PAICS: variants seen among roughly 807,000 people sequenced by gnomAD.
PAICS encodes bifunctional phosphoribosylaminoimidazole carboxylase/phosphoribosylaminoimidazole succinocarboxamide synthetase.
A neutral mutation model predicts 53.7 loss-of-function variants in PAICS; 33 were observed. The ratio of observed to expected loss-of-function variants is 0.61; its 90% CI spans 0.47 to 0.82. The LOEUF (loss-of-function observed/expected upper bound fraction) is 0.82, where lower values mean the gene tolerates loss of function less well. Among genes scored for constraint, PAICS ranks in the 40% least tolerant of loss-of-function variants. PAICS has a pLI of 0.00. For missense variants in PAICS, 394 were observed against 494.1 expected, an observed-to-expected ratio of 0.80 and a Z score of 1.92; for synonymous variants, 141 against 167.2, an observed-to-expected ratio of 0.84 and a Z score of 1.21.
the PAICS span, among the ~76,000 whole-genome samples, chr4:56,418,216 T>C: frequency 6.6e-6 from 1 of 152,158 alleles, no homozygotes; most frequent in African/African-American, 2.4e-5. Context: ...CTCTGGAGGT[T>C]CACTTGAACC....
intron 7 of PAICS, among the ~76,000 whole-genome samples, chr4:56,453,095 G>T (rs1718996084): frequency 6.6e-6 from 1 of 152,178 alleles, no homozygotes; most frequent in Non-Finnish European, 1.5e-5. Flanking sequence ...TTGCTTAAGA[G>T]ATTATGTTAA....
chr4:56,454,528 C>G (rs1303281875), intron 8 of PAICS, among the ~76,000 whole-genome samples: 2 of 152,120 alleles, frequency 1.3e-5, no homozygotes, highest in East Asian at 3.9e-4. Context: ...TCCAAGTTTT[C>G]TAATTGTCTC....
At position 56,460,962 on chromosome 4, in the gene PAICS, C is replaced by T. The variant is rs1216731539; in HGVS notation, c.*1424C>T. 6.6e-6 allele frequency: 1 copy of T among 151,198 alleles called. No homozygotes were observed. The highest frequency in any genetic ancestry group is 2.5e-5 in the African/African-American group (1 of 40,490). The allele number at this position is 151,198 out of a possible 1,614,324, so 9.4% of individuals were successfully genotyped here. ...CTCCAACCTGGGCAGCAGAGCAAGACTCTGTCTCAAAAGGGGAAAAAAAAA... is the reference window on the plus strand; with the variant it reads ...CTCCAACCTGGGCAGCAGAGCAAGATTCTGTCTCAAAAGGGGAAAAAAAAA... On this transcript the variant is annotated 3_prime_UTR_variant, in exon 9 of 9. Coordinates refer to ENST00000512576, the MANE Select transcript of PAICS (RefSeq NM_001079524.2).
chr4:56,441,827 A>C lies in PAICS; in HGVS notation c.181A>C (p.Thr61Pro). The C allele has an allele frequency of 1.9e-6, 3 of 1,598,092 alleles. No individual in the cohort carries two copies. Among genetic ancestry groups the C allele is most frequent in the Non-Finnish European group, 2.6e-6 (3 of 1,172,020 alleles). ...AAAAGCTGCAATCTCAAATAAAATCACCAGTTGTATTTTTCAGTTATTACA... is the reference window on the plus strand; with the variant it reads ...AAAAGCTGCAATCTCAAATAAAATCCCCAGTTGTATTTTTCAGTTATTACA... ...EGKAAISNKI[T>P]SCIFQLLQEA... is the part of the protein sequence containing the mutation. The change falls in exon 2 of 9, where the codon ACC becomes CCC. Residue 61 changes from threonine (T) to proline (P), a missense_variant. Physicochemically the swap from Thr to Pro is conservative, Grantham distance 38. Around this residue, in one of 3 missense-constraint regions of PAICS, gnomAD observed 168 missense variants for 199.3 expected, o/e 0.84. Coordinates refer to ENST00000512576, the MANE Select transcript of PAICS (RefSeq NM_001079524.2).
At position 56,464,087 on chromosome 4, in the gene PAICS, G is replaced by A. The variant is rs1390260820; in HGVS notation, c.*4549G>A. Reference sequence around the variant, plus strand: ...CGTTATTGCCTCCCCTGATTCTCAAGCCCTCGGGTTTGGAACTACACTGGC... The same window carrying A: ...CGTTATTGCCTCCCCTGATTCTCAAACCCTCGGGTTTGGAACTACACTGGC... On this transcript the variant is annotated 3_prime_UTR_variant, in exon 9 of 9. Coordinates refer to ENST00000512576, the MANE Select transcript of PAICS (RefSeq NM_001079524.2). 6.6e-6 allele frequency: 1 copy of A among 152,204 alleles called. No homozygotes were observed. The highest frequency in any genetic ancestry group is 1.5e-5 in the Non-Finnish European group (1 of 68,050). The allele number at this position is 152,204 out of a possible 1,614,324, so 9.4% of individuals were successfully genotyped here.
At chr4:56,439,297 C>T (rs1230120523) in intron 1 of PAICS, among the ~76,000 whole-genome samples, 1 of 152,044 alleles carries the variant, frequency 6.6e-6, no homozygotes, top group African/African-American at 2.4e-5. Flanking sequence ...AGTGCAGTGG[C>T]GCCATCTCAG....
chr4:56,449,546 T>C (rs1718790244), intron 5 of PAICS, among the ~76,000 whole-genome samples: 1 of 152,176 alleles, frequency 6.6e-6, no homozygotes, highest in African/African-American at 2.4e-5. Context: ...TAAATCATTC[T>C]ACTGTAAAGA....
chr4:56,448,739 A>C lies in PAICS; in HGVS notation c.603A>C (p.Lys201Asn), dbSNP rs11549976. 0.054 allele frequency: 86,727 copies of C among 1,594,826 alleles called. 2,817 individuals carry two copies. The highest frequency in any genetic ancestry group is 0.064 in the Non-Finnish European group (74,455 of 1,168,362). ...AATTTGGTGTTGATGTAACCACCAA[A>C]GAAATTGTTCTTGCTGATGTTATTG... ...KIEFGVDVTT[K>N]EIVLADVIDN... Residue 201 changes from lysine to asparagine, a missense_variant, in exon 5 of 9, where the codon AAA becomes AAC. Physicochemically the swap from Lys to Asn is moderately conservative, Grantham distance 94 (BLOSUM62 0). Coordinates refer to ENST00000512576, the MANE Select transcript of PAICS (RefSeq NM_001079524.2).
intron 3 of PAICS, among the ~76,000 whole-genome samples, chr4:56,447,144 A>G (rs756411588): frequency 1.3e-5 from 2 of 151,910 alleles, no homozygotes; most frequent in African/African-American, 2.4e-5. Context: ...CATTTAGTTA[A>G]TTTTTTTAAA....
upstream of PAICS, chr4:56,435,596 C>T (rs1167457222): frequency 3.2e-6 from 5 of 1,547,402 alleles, no homozygotes; most frequent in Non-Finnish European, 4.4e-6. Flanking sequence ...TCTTCCTTCC[C>T]GAGGGTGGCC....
intron 8 of PAICS, among the ~76,000 whole-genome samples, chr4:56,457,123 T>A (rs1326429258): frequency 6.6e-6 from 1 of 152,174 alleles, no homozygotes; most frequent in Non-Finnish European, 1.5e-5. Context: ...CTGAAGTCTG[T>A]TTTACCTTCA....
At chr4:56,421,195 T>A in the PAICS span, 1 of 153,074 alleles carries the variant, frequency 6.5e-6, no homozygotes, top group Non-Finnish European at 1.5e-5. Flanking sequence ...GCAAGGGATC[T>A]AGGTTGTGTG....
intron 1 of PAICS, among the ~76,000 whole-genome samples, chr4:56,437,473 G>C (rs1321051934): frequency 6.6e-6 from 1 of 151,976 alleles, no homozygotes; most frequent in Non-Finnish European, 1.5e-5. Flanking sequence ...TGCTTTTGTG[G>C]CTGCTGGGTA....
chr4:56,441,170 C>T (rs539053870), intron 1 of PAICS, among the ~76,000 whole-genome samples: 1 of 152,160 alleles, frequency 6.6e-6, no homozygotes, highest in South Asian at 2.1e-4. Context: ...ATTTTGCCTA[C>T]AAAAAAGCAA....
In PAICS at chr4:56,459,600, A is replaced by G; in HGVS notation, c.*62A>G. On this transcript the variant is annotated 3_prime_UTR_variant, in exon 9 of 9. Coordinates refer to ENST00000512576, the MANE Select transcript of PAICS (RefSeq NM_001079524.2). ...CAAATTTCTAATTTAGCTGAAGGAA[A>G]ATCAAGCAAGATGAAAAGGTAATTT... is the stretch of plus-strand genomic sequence containing the variant. 1 of 1,249,792 alleles carries G rather than the reference A, an allele frequency of 8.0e-7. No individual in the cohort carries two copies. The highest frequency in any genetic ancestry group is 1.1e-6 in the Non-Finnish European group (1 of 895,552). The allele number at this position is 1,249,792 out of a possible 1,614,324, so 77.4% of individuals were successfully genotyped here.
At chr4:56,453,050 C>G (rs1020272093) in intron 7 of PAICS, among the ~76,000 whole-genome samples, 10 of 152,082 alleles carry the variant, frequency 6.6e-5, no homozygotes, top group Non-Finnish European at 1.0e-4. Context: ...CTTTAGGAAA[C>G]AGGAGGATAA....
chr4:56,425,434 G>C, the PAICS span: 4 of 931,834 alleles, frequency 4.3e-6, no homozygotes, highest in Non-Finnish European at 5.1e-6. Context: ...TTACAAATGT[G>C]AAAAAAGAAA....
intron 1 of PAICS, among the ~76,000 whole-genome samples, chr4:56,436,789 G>A (rs931503793): frequency 6.6e-6 from 1 of 152,208 alleles, no homozygotes; most frequent in African/African-American, 2.4e-5. Flanking sequence ...GAGGTCAGTA[G>A]TACGAGACCA....
the PAICS span, chr4:56,420,238 T>C: frequency 6.5e-6 from 1 of 152,870 alleles, no homozygotes; most frequent in South Asian, 2.1e-4. Context: ...TTCATATGTG[T>C]TTCATATATA....
Sources: allele counts gnomAD v4.1 joint callset (sites outside exome capture counted in the v4.1 genomes callset), GRCh38; gene constraint gnomAD v4.1.1; regional missense constraint gnomAD v4.1.1; transcripts MANE v1.5; gene names NCBI Gene and HGNC (gene_info 2026-07-23, HGNC 2026-07-21).